The following SHC3 variants were observed in gnomAD, a reference collection of about 807,000 sequenced individuals.
SHC3 encodes SHC-transforming protein 3.
Under a neutral mutation model 60.4 loss-of-function variants are expected in SHC3, and 15 were observed. The ratio of observed to expected loss-of-function variants is 0.25; its 90% CI spans 0.17 to 0.38. The LOEUF is 0.38. Ranked by LOEUF, SHC3 falls within the 10% of genes least tolerant of loss-of-function variation. The probability of loss-of-function intolerance (pLI) is 1.00; values close to 1 mark genes in which losing one functional copy is unlikely to be tolerated. For synonymous variants in SHC3, 294 were observed against 325.9 expected, an observed-to-expected ratio of 0.90 and a Z score of 1.05; for missense variants, 677 against 786.1, an observed-to-expected ratio of 0.86 and a Z score of 1.66.
intron 2 of SHC3, among the ~76,000 whole-genome samples, chr9:89,087,783 G>A (rs1237014412): frequency 6.6e-6 from 1 of 152,118 alleles, no homozygotes; most frequent in Non-Finnish European, 1.5e-5. Context: ...TGGGAAGAGG[G>A]GGTCAGACAT....
intron 1 of SHC3, among the ~76,000 whole-genome samples, chr9:89,131,244 T>G (rs185549654): frequency 1.6e-4 from 24 of 152,158 alleles, no homozygotes; most frequent in Non-Finnish European, 3.2e-4. Context: ...AATAACAGGC[T>G]CTGAAATTGA....
chr9:89,069,628 G>A (rs1362281664), intron 5 of SHC3, among the ~76,000 whole-genome samples: 1 of 152,220 alleles, frequency 6.6e-6, no homozygotes, highest in Non-Finnish European at 1.5e-5. Context: ...ACCTTCCCCT[G>A]CAGAGTGCCC....
chr9:89,061,354 G>A (rs1300266156), intron 6 of SHC3, among the ~76,000 whole-genome samples: 2 of 152,110 alleles, frequency 1.3e-5, no homozygotes, highest in African/African-American at 4.8e-5. Context: ...CACCTCTTGG[G>A]GCCTACAGCA....
intron 11 of SHC3, among the ~76,000 whole-genome samples, chr9:89,035,233 C>T (rs1824551913): frequency 6.6e-6 from 1 of 152,320 alleles, no homozygotes; most frequent in Admixed American, 6.5e-5. Flanking sequence ...GCCCCACGAC[C>T]TGGCGTTGGG....
At chr9:89,115,344 C>A (rs75701279) in intron 1 of SHC3, among the ~76,000 whole-genome samples, 227 of 152,232 alleles carry the variant, frequency 1.5e-3, no homozygotes, top group African/African-American at 5.3e-3. Context: ...TACATGAATA[C>A]CACCAACAAC....
chr9:89,120,396 A>C (rs964114910), intron 1 of SHC3, among the ~76,000 whole-genome samples: 1 of 152,222 alleles, frequency 6.6e-6, no homozygotes, highest in African/African-American at 2.4e-5. Flanking sequence ...CATAGAAAAA[A>C]ATAGGCAAAG....
At chr9:89,056,548 G>C (rs1225244663) in intron 6 of SHC3, among the ~76,000 whole-genome samples, 4 of 152,138 alleles carry the variant, frequency 2.6e-5, no homozygotes, top group East Asian at 3.9e-4. Flanking sequence ...TTATTTGTTT[G>C]AGCTGCCATG....
intron 1 of SHC3, among the ~76,000 whole-genome samples, chr9:89,114,513 T>A (rs1007613645): frequency 6.6e-6 from 1 of 152,046 alleles, no homozygotes; most frequent in Non-Finnish European, 1.5e-5. Context: ...ATATTAGGTA[T>A]CGTAAATAAT....
intron 1 of SHC3, among the ~76,000 whole-genome samples, chr9:89,134,411 C>G (rs1826291877): frequency 6.6e-6 from 1 of 152,030 alleles, no homozygotes; most frequent in African/African-American, 2.4e-5. Context: ...AATAGTTGAA[C>G]ACTAAAATAA....
intron 11 of SHC3, among the ~76,000 whole-genome samples, chr9:89,034,956 G>C (rs1044000226): frequency 1.3e-5 from 2 of 152,120 alleles, no homozygotes; most frequent in East Asian, 1.9e-4. Flanking sequence ...CTCCTAGATC[G>C]ATTGTATTCC....
intron 10 of SHC3, among the ~76,000 whole-genome samples, chr9:89,039,552 G>T (rs915723695): frequency 6.6e-6 from 1 of 151,994 alleles, no homozygotes; most frequent in Non-Finnish European, 1.5e-5. Context: ...AACATCGTCA[G>T]CATCATCCCC....
intron 2 of SHC3, among the ~76,000 whole-genome samples, chr9:89,087,488 C>T (rs975171355): frequency 1.3e-5 from 2 of 152,214 alleles, no homozygotes; most frequent in Admixed American, 6.5e-5. Flanking sequence ...TGCAGGGGGA[C>T]GAGGTCCACC....
intron 1 of SHC3, among the ~76,000 whole-genome samples, chr9:89,171,737 A>G (rs12378407): frequency 0.17 from 26,101 of 152,200 alleles, 2,404 homozygotes; most frequent in Admixed American, 0.22. Context: ...GCACCTGCTC[A>G]AGCTGTCTCC....
At chr9:89,152,355 G>A (rs1001361886) in intron 1 of SHC3, among the ~76,000 whole-genome samples, 1 of 152,202 alleles carries the variant, frequency 6.6e-6, no homozygotes, top group African/African-American at 2.4e-5. Context: ...GAGGTCAAAT[G>A]AAATCAATTT....
intron 6 of SHC3, 78 bp from the exon 7 acceptor site, chr9:89,052,241 G>C: frequency 6.4e-7 from 1 of 1,567,414 alleles, no homozygotes; most frequent in Non-Finnish European, 8.7e-7. Context: ...AGCCCTTGCT[G>C]AGGACACAGG....
intron 2 of SHC3, among the ~76,000 whole-genome samples, chr9:89,093,438 A>G (rs1825654781): frequency 1.3e-5 from 2 of 152,338 alleles, no homozygotes; most frequent in South Asian, 4.1e-4. Flanking sequence ...AGCAATCAAG[A>G]ATCAAGAATT....
At chr9:89,137,363 G>A (rs1826333871) in intron 1 of SHC3, among the ~76,000 whole-genome samples, 2 of 152,056 alleles carry the variant, frequency 1.3e-5, no homozygotes, top group South Asian at 2.1e-4. Context: ...AGATTACTTT[G>A]AGGATCTCAA....
intron 11 of SHC3, among the ~76,000 whole-genome samples, chr9:89,021,918 G>A (rs941933211): frequency 6.6e-6 from 1 of 152,202 alleles, no homozygotes. Context: ...GCCCCTGGGG[G>A]CTTCCAGAGC....
intron 11 of SHC3, chr9:89,037,381 A>C: frequency 4.8e-6 from 3 of 624,650 alleles, no homozygotes. Flanking sequence ...AACTGCATTT[A>C]TTAAACTTAG....
Sources: allele counts gnomAD v4.1 joint callset (sites outside exome capture counted in the v4.1 genomes callset), GRCh38; gene constraint gnomAD v4.1.1; transcripts MANE v1.5; gene names NCBI Gene and HGNC (gene_info 2026-07-23, HGNC 2026-07-21).